CSMD1: variants seen among roughly 807,000 people sequenced by gnomAD.
CSMD1 encodes CUB and Sushi multiple domains 1.
A neutral mutation model predicts 417.5 loss-of-function variants in CSMD1; 213 were observed. The observed-to-expected ratio is 0.51, with a 90% CI of 0.46 to 0.57. The LOEUF (loss-of-function observed/expected upper bound fraction) is 0.57. CSMD1 is among the 20% of genes least tolerant of loss of function. The pLI is 0.00. For synonymous variants in CSMD1, 2,862 were observed against 1,736.8 expected, an observed-to-expected ratio of 1.65 and a Z score of -16.11; for missense variants, 6,923 against 4,529.7, an observed-to-expected ratio of 1.53 and a Z score of -15.17.
chr8:4,402,303 C>G (rs888034058), intron 3 of CSMD1, among the ~76,000 whole-genome samples: 11 of 151,976 alleles, frequency 7.2e-5, no homozygotes, highest in African/African-American at 2.2e-4. Context: ...CCCTTCTCTC[C>G]TCTTTCCCTC....
chr8:3,861,931 G>T (rs537138401), intron 5 of CSMD1, among the ~76,000 whole-genome samples: 5 of 152,224 alleles, frequency 3.3e-5, no homozygotes, highest in Non-Finnish European at 7.4e-5. Flanking sequence ...CTTGCTCCTG[G>T]AAAGTCAATC....
chr8:4,901,799 G>A (rs1197266726), intron 1 of CSMD1, among the ~76,000 whole-genome samples: 1 of 152,150 alleles, frequency 6.6e-6, no homozygotes, highest in Non-Finnish European at 1.5e-5. Flanking sequence ...AGGCACAATT[G>A]TGATTACATA....
chr8:4,041,731 A>AT (rs1361940326), intron 3 of CSMD1, among the ~76,000 whole-genome samples: 3 of 152,196 alleles, frequency 2.0e-5, no homozygotes, highest in African/African-American at 7.2e-5. Flanking sequence ...TTAGAACTGT[A>AT]TGCCCTGTTC....
At chr8:3,433,651 C>T (rs1814368352) in intron 12 of CSMD1, among the ~76,000 whole-genome samples, 1 of 152,132 alleles carries the variant, frequency 6.6e-6, no homozygotes, top group Non-Finnish European at 1.5e-5. Flanking sequence ...CCATTTAGCG[C>T]CCAACATTGG....
At chr8:3,682,438 A>G (rs978657304) in intron 7 of CSMD1, among the ~76,000 whole-genome samples, 5 of 152,210 alleles carry the variant, frequency 3.3e-5, no homozygotes, top group African/African-American at 1.2e-4. Flanking sequence ...GACACATGAA[A>G]AAATGCTCAT....
chr8:3,092,478 C>G (rs1219433733), intron 47 of CSMD1, among the ~76,000 whole-genome samples: 7 of 152,162 alleles, frequency 4.6e-5, no homozygotes, highest in Admixed American at 3.9e-4. Context: ...CTAACTTCCT[C>G]TAGGAGAGGC....
At chr8:4,618,117 T>C (rs1460804078) in intron 2 of CSMD1, among the ~76,000 whole-genome samples, 2 of 152,146 alleles carry the variant, frequency 1.3e-5, no homozygotes, top group African/African-American at 4.8e-5. Flanking sequence ...AAATGTCACA[T>C]GAAAGGTTTC....
intron 5 of CSMD1, among the ~76,000 whole-genome samples, chr8:3,785,916 C>T (rs139022177): frequency 1.5e-4 from 23 of 152,294 alleles, no homozygotes; most frequent in African/African-American, 5.1e-4. Context: ...CTCTGTACAC[C>T]ATTCTTGGAG....
chr8:4,245,488 A>T (rs1802648828), intron 3 of CSMD1, among the ~76,000 whole-genome samples: 1 of 152,128 alleles, frequency 6.6e-6, no homozygotes, highest in Non-Finnish European at 1.5e-5. Context: ...AAAACTCTTC[A>T]TGAAGAGCCT....
chr8:3,443,662 G>C (rs755863226), intron 12 of CSMD1, among the ~76,000 whole-genome samples: 1 of 152,118 alleles, frequency 6.6e-6, no homozygotes, highest in African/African-American at 2.4e-5. Context: ...GCAAATCTTT[G>C]TATATCACAA....
chr8:4,978,577 G>C (rs1012358695), intron 1 of CSMD1, among the ~76,000 whole-genome samples: 7 of 152,102 alleles, frequency 4.6e-5, no homozygotes, highest in African/African-American at 1.7e-4. Context: ...GCTTCACTGG[G>C]AATTCACACC....
chr8:3,425,582 G>C (rs1436385336), intron 12 of CSMD1, among the ~76,000 whole-genome samples: 1 of 116,070 alleles, frequency 8.6e-6, no homozygotes, highest in South Asian at 3.1e-4. Flanking sequence ...AGCAAGATTC[G>C]GTCTCAAAAA....
intron 2 of CSMD1, among the ~76,000 whole-genome samples, chr8:4,560,853 T>C (rs1421308495): frequency 4.6e-5 from 7 of 152,160 alleles, no homozygotes; most frequent in Admixed American, 4.6e-4. Flanking sequence ...CACCAGCAAA[T>C]CTCTTGGACA....
intron 10 of CSMD1, among the ~76,000 whole-genome samples, chr8:3,526,929 G>A (rs918379822): frequency 9.9e-5 from 15 of 152,078 alleles, no homozygotes; most frequent in African/African-American, 3.6e-4. Flanking sequence ...GGTGTCCAGG[G>A]GATAAGATCT....
intron 3 of CSMD1, among the ~76,000 whole-genome samples, chr8:4,147,509 T>C (rs1339330974): frequency 1.3e-5 from 2 of 152,172 alleles, no homozygotes; most frequent in East Asian, 3.9e-4. Flanking sequence ...TCTGTTCCTG[T>C]CTCCATTAGA....
chr8:3,526,096 T>C (rs142058371), intron 10 of CSMD1, among the ~76,000 whole-genome samples: 2 of 152,250 alleles, frequency 1.3e-5, no homozygotes, highest in South Asian at 2.1e-4. Flanking sequence ...GAATTGTCAA[T>C]TCAGCTTTAA....
At chr8:3,874,205 C>T (rs1050749587) in intron 5 of CSMD1, among the ~76,000 whole-genome samples, 3 of 152,090 alleles carry the variant, frequency 2.0e-5, no homozygotes, top group Non-Finnish European at 2.9e-5. Flanking sequence ...ATGGAGAAGA[C>T]CTTCCTAACC....
intron 2 of CSMD1, among the ~76,000 whole-genome samples, chr8:4,583,202 T>C (rs1799524072): frequency 6.6e-6 from 1 of 152,142 alleles, no homozygotes; most frequent in Non-Finnish European, 1.5e-5. Flanking sequence ...ACCCAAGGGC[T>C]GAGGAATGCG....
At chr8:4,853,869 C>G (rs7825757) in intron 1 of CSMD1, among the ~76,000 whole-genome samples, 3,134 of 152,300 alleles carry the variant, frequency 0.021, 122 homozygotes, top group African/African-American at 0.072. Context: ...GCAGGACATA[C>G]AGTCAAAGGA....
Sources: gnomAD v4.1 joint callset for allele counts (sites outside exome capture counted in the v4.1 genomes callset) on GRCh38, gnomAD v4.1.1 for gene constraint, MANE v1.5 for transcripts, NCBI Gene and HGNC (gene_info 2026-07-23, HGNC 2026-07-21) for gene names.